DNTTIP1: variants seen among roughly 807,000 people sequenced by gnomAD.
DNTTIP1 encodes the protein deoxynucleotidyltransferase terminal interacting protein 1.
In DNTTIP1, 22 loss-of-function variants were observed where a neutral mutation model predicts 52.9. The ratio of observed to expected loss-of-function variants is 0.42; its 90% CI spans 0.30 to 0.59. DNTTIP1 has a LOEUF of 0.59. Among genes scored for constraint, DNTTIP1 ranks in the 20% least tolerant of loss-of-function variants. DNTTIP1 has a pLI of 0.22. For missense variants in DNTTIP1, 286 were observed against 435.5 expected (o/e 0.66, Z 3.06); for synonymous variants, 136 against 155.1 (o/e 0.88, Z 0.92).
chr20:45,805,900 A>C (rs1267033775), intron 10 of DNTTIP1, among the ~76,000 whole-genome samples: 1 of 152,128 alleles, frequency 6.6e-6, no homozygotes, highest in Non-Finnish European at 1.5e-5. Flanking sequence ...CCTGACCAAC[A>C]TGGAGAAACC....
At position 45,795,444 on chromosome 20, in the gene DNTTIP1, G is replaced by T. The variant is rs1369867382; in HGVS notation, c.372+1G>T. 1 of 1,595,604 alleles carries T rather than the reference G, an allele frequency of 6.3e-7. No individual in the cohort carries two copies. The highest frequency in any genetic ancestry group is 2.3e-5 in the East Asian group (1 of 44,302). On this transcript the variant is annotated splice_donor_variant, in intron 4 of 12. Transcript: ENST00000372622. LOFTEE classifies it high-confidence loss of function. The stretch of plus-strand genomic sequence containing the variant: ...AGCCTGTCGGAGCTGCCTGGAGCAG[G>T]TGAGACCAAAGGGGACAAGAGATGC...
chr20:45,794,187 C>G (rs926443792), intron 3 of DNTTIP1, among the ~76,000 whole-genome samples, 170 bp downstream of exon 3: 2 of 152,204 alleles, frequency 1.3e-5, no homozygotes, highest in African/African-American at 4.8e-5. Context: ...CTCACTCTGT[C>G]ACCCAGGCTG....
At chr20:45,810,519 T>C (rs1209441383) in intron 11 of DNTTIP1, among the ~76,000 whole-genome samples, 1 of 152,124 alleles carries the variant, frequency 6.6e-6, no homozygotes, top group African/African-American at 2.4e-5. Context: ...TTCGTATACT[T>C]GATCTTAACC....
At position 45,809,039 on chromosome 20, in the gene DNTTIP1, A is replaced by G; in HGVS notation, c.724-75A>G. On this transcript the variant is annotated intron_variant, in intron 10 of 12. Transcript: ENST00000372622. The surrounding 1 kb of genome is among the most constrained non-coding windows in gnomAD (Gnocchi z 4.2). ...TTTTGGTAAGAACTGCTCAAGGGCC[A>G]AGAGTATGCTCTGGGACCAAATGAG... is the stretch of plus-strand genomic sequence containing the variant. The G allele has an allele frequency of 7.6e-7, 1 of 1,315,016 alleles. No homozygotes were observed. Among genetic ancestry groups the G allele is most frequent in the Non-Finnish European group, 1.1e-6 (1 of 912,058 alleles). 81.5% of individuals were successfully genotyped at this position (1,315,016 alleles called of 1,614,324 possible).
At chr20:45,802,590 T>G (rs984433969) in intron 7 of DNTTIP1, among the ~76,000 whole-genome samples, 2 of 152,124 alleles carry the variant, frequency 1.3e-5, no homozygotes, top group African/African-American at 2.4e-5. Context: ...GCCTCCCCCA[T>G]TATCGACATC....
intron 4 of DNTTIP1, among the ~76,000 whole-genome samples, chr20:45,800,484 G>C (rs1214953655): frequency 6.7e-6 from 1 of 149,946 alleles, no homozygotes; most frequent in Non-Finnish European, 1.5e-5. Flanking sequence ...GACCAGCCTG[G>C]CCAACATGGT....
chr20:45,800,956 TGCAC>T, intron 4 of DNTTIP1, 114 bp from the exon 5 acceptor site: 1 of 826,318 alleles, frequency 1.2e-6, no homozygotes, highest in Non-Finnish European at 2.0e-6. Flanking sequence ...ATGGTGCTGC[TGCAC>T]TCCAGCCTGA....
chr20:45,796,431 T>C (rs758820492), intron 4 of DNTTIP1: 1 of 467,870 alleles, frequency 2.1e-6, no homozygotes. Flanking sequence ...ATAATTAGAA[T>C]AGCTAAGATC....
chr20:45,808,156 G>C (rs1490600928), intron 10 of DNTTIP1, among the ~76,000 whole-genome samples: 1 of 151,790 alleles, frequency 6.6e-6, no homozygotes, highest in Non-Finnish European at 1.5e-5. Context: ...AACCAGCCTG[G>C]CCAACATGGC....
chr20:45,808,904 T>C (rs1981736885), intron 10 of DNTTIP1, among the ~76,000 whole-genome samples: 1 of 151,990 alleles, frequency 6.6e-6, no homozygotes, highest in East Asian at 1.9e-4. Flanking sequence ...GGATTGGGAG[T>C]ATACTAAGTC....
Position 45,809,179 on chromosome 20 carries a change from C to A in DNTTIP1, c.789C>A (p.Gly263=). ...AEQHHMRATG[G]KMAYLLIEED... ...AGCATCACATGCGGGCAACAGGGGG[C>A]AAGATGGTAAGCATTATTCATTTGT... The change falls in exon 11 of 13, where the codon GGC becomes GGA. Residue 263 remains glycine (G), a synonymous_variant. Transcript: ENST00000372622. The surrounding 1 kb of genome is among the most constrained non-coding windows in gnomAD (Gnocchi z 4.2). 1.2e-6 allele frequency: 2 copies of A among 1,613,956 alleles called. No individual in the cohort carries two copies. The highest frequency in any genetic ancestry group is 8.5e-7 in the Non-Finnish European group (1 of 1,179,968).
At position 45,793,904 on chromosome 20, in the gene DNTTIP1, C is replaced by A; in HGVS notation, c.177-17C>A. The A allele has an allele frequency of 6.5e-7, 1 of 1,549,636 alleles. No individual in the cohort carries two copies. The highest frequency in any genetic ancestry group is 1.2e-5 in the South Asian group (1 of 82,064). ...TTTGGGACATGCCCCCTCACCCTGT[C>A]TCCCTCCTGAATGCAGTTTCACAGA... is the stretch of plus-strand genomic sequence containing the variant. On this transcript the variant is annotated splice_polypyrimidine_tract_variant and intron_variant, in intron 2 of 12. Coordinates refer to ENST00000372622, the MANE Select transcript of DNTTIP1 (RefSeq NM_052951.3).
intron 4 of DNTTIP1, 48 bp from the exon 5 acceptor site, chr20:45,801,026 T>C (rs1337509750): frequency 1.3e-6 from 2 of 1,542,376 alleles, no homozygotes; most frequent in African/African-American, 2.7e-5. Context: ...TAGGGTGTGC[T>C]TACCCACCAA....
intron 10 of DNTTIP1, among the ~76,000 whole-genome samples, chr20:45,808,664 C>A (rs1027224723): frequency 2.0e-5 from 3 of 151,956 alleles, no homozygotes; most frequent in African/African-American, 4.8e-5. Flanking sequence ...ATCAATCAAT[C>A]AATAAACCAA....
chr20:45,796,854 A>G (rs1981256581), intron 4 of DNTTIP1, among the ~76,000 whole-genome samples: 1 of 152,176 alleles, frequency 6.6e-6, no homozygotes, highest in Non-Finnish European at 1.5e-5. Flanking sequence ...ATCTGTCACA[A>G]TGGATCATTT....
At chr20:45,801,013 A>C in intron 4 of DNTTIP1, 61 bp from the exon 5 acceptor site, 1 of 1,362,834 alleles carries the variant, frequency 7.3e-7, no homozygotes, top group Non-Finnish European at 1.0e-6. Flanking sequence ...AAAAGGAAGT[A>C]GGTAGGGTGT....
chr20:45,796,866 G>T (rs906721987), intron 4 of DNTTIP1, among the ~76,000 whole-genome samples: 1 of 152,008 alleles, frequency 6.6e-6, no homozygotes, highest in Non-Finnish European at 1.5e-5. Context: ...GGATCATTTC[G>T]CGTTTCTTGG....
In DNTTIP1 at chr20:45,802,040, G is replaced by A; in HGVS notation, c.540G>A (p.Arg180=). Residue 180 remains arginine, a synonymous_variant, in exon 7 of 13, where the codon CGG becomes CGA. Coordinates refer to ENST00000372622, the MANE Select transcript of DNTTIP1 (RefSeq NM_052951.3). ...CTGGACACATCCTGTCAAGCGACCGGGCAGCCGCCGGCATGGTGTGAGTAG... is the reference window on the plus strand; with the variant it reads ...CTGGACACATCCTGTCAAGCGACCGAGCAGCCGCCGGCATGGTGTGAGTAG... ...RPPGHILSSD[R]AAAGMVWKPK... The A allele has an allele frequency of 6.2e-7, 1 of 1,614,134 alleles. No individual in the cohort carries two copies.
At chr20:45,808,339 A>G (rs1195114428) in intron 10 of DNTTIP1, among the ~76,000 whole-genome samples, 2 of 151,102 alleles carry the variant, frequency 1.3e-5, no homozygotes, top group African/African-American at 4.9e-5. Flanking sequence ...GCGAGACGTC[A>G]TCTCAATAAA....
Sources: gnomAD v4.1 joint callset for allele counts (sites outside exome capture counted in the v4.1 genomes callset) on GRCh38, gnomAD v4.1.1 for gene constraint, Gnocchi (gnomAD v3.1) non-coding constraint, MANE v1.5 for transcripts, NCBI Gene and HGNC (gene_info 2026-07-23, HGNC 2026-07-21) for gene names.